Variants in CSMD1 observed in about 807,000 individuals in gnomAD.
CSMD1 encodes CUB and sushi domain-containing protein 1.
A neutral mutation model predicts 417.5 loss-of-function variants in CSMD1; 213 were observed. The ratio of observed to expected loss-of-function variants is 0.51; its 90% CI spans 0.46 to 0.57. The LOEUF is 0.57. Ranked by LOEUF, CSMD1 falls within the 20% of genes least tolerant of loss-of-function variation. The probability of loss-of-function intolerance (pLI) is 0.00; values close to 1 mark genes in which losing one functional copy is unlikely to be tolerated. For synonymous variants in CSMD1, 2,862 were observed against 1,736.8 expected (o/e 1.65, Z -16.11); for missense variants, 6,923 against 4,529.7 (o/e 1.53, Z -15.17).
At chr8:3,600,399 A>T (rs1244332777) in intron 8 of CSMD1, among the ~76,000 whole-genome samples, 3 of 152,232 alleles carry the variant, frequency 2.0e-5, no homozygotes, top group African/African-American at 7.2e-5. Flanking sequence ...TATTTCCCCT[A>T]GAATATGAAT....
intron 12 of CSMD1, among the ~76,000 whole-genome samples, chr8:3,432,311 AAAAGAAAAAAAATCATTT>A (rs1174245305): frequency 6.6e-6 from 1 of 152,262 alleles, no homozygotes; most frequent in East Asian, 1.9e-4. Context: ...ATAGACGGTT[AAAAGAAAAAAAATCATTT>A]AAAGTGTTTA....
At chr8:3,248,441 G>T (rs964380859) in intron 26 of CSMD1, among the ~76,000 whole-genome samples, 5 of 151,356 alleles carry the variant, frequency 3.3e-5, no homozygotes, top group Non-Finnish European at 5.9e-5. Flanking sequence ...GAAATGGCTG[G>T]AAGTGTGAGA....
intron 3 of CSMD1, among the ~76,000 whole-genome samples, chr8:4,379,848 T>G (rs62479547): frequency 0.37 from 55,638 of 152,142 alleles, 11,522 homozygotes; most frequent in Non-Finnish European, 0.47. Context: ...TGATCCCTGC[T>G]AGGAGACAGT....
intron 23 of CSMD1, among the ~76,000 whole-genome samples, chr8:3,312,509 C>T (rs1355447551): frequency 6.6e-6 from 1 of 152,144 alleles, no homozygotes; most frequent in Non-Finnish European, 1.5e-5. Context: ...ATCAGTTTTC[C>T]AATTTTCAGT....
intron 2 of CSMD1, among the ~76,000 whole-genome samples, chr8:4,621,618 A>G (rs1801784731): frequency 6.6e-6 from 1 of 152,132 alleles, no homozygotes; most frequent in Non-Finnish European, 1.5e-5. Flanking sequence ...TTATCTAGAA[A>G]TCACATCAAA....
intron 5 of CSMD1, among the ~76,000 whole-genome samples, chr8:3,786,473 G>A (rs1378051778): frequency 6.6e-6 from 1 of 152,276 alleles, no homozygotes. Flanking sequence ...GAAGCAGGAG[G>A]AATGGTGACA....
intron 33 of CSMD1, among the ~76,000 whole-genome samples, chr8:3,197,639 T>C (rs1207506518): frequency 6.6e-6 from 1 of 151,930 alleles, no homozygotes; most frequent in Non-Finnish European, 1.5e-5. Context: ...CTAATTTTTG[T>C]ATTTTTAGTA....
intron 1 of CSMD1, among the ~76,000 whole-genome samples, chr8:4,735,441 G>A (rs773072329): frequency 5.9e-5 from 9 of 152,234 alleles, no homozygotes; most frequent in Non-Finnish European, 1.0e-4. Context: ...TTATTACGTA[G>A]ATCTGCAAGT....
intron 2 of CSMD1, among the ~76,000 whole-genome samples, chr8:4,533,301 T>C (rs760410125): frequency 2.0e-5 from 3 of 152,216 alleles, no homozygotes; most frequent in Admixed American, 1.3e-4. Flanking sequence ...GGAAGCCAAG[T>C]TGTCATGACA....
chr8:4,959,394 CCA>C (rs1406895184), intron 1 of CSMD1, among the ~76,000 whole-genome samples: 1 of 152,204 alleles, frequency 6.6e-6, no homozygotes, highest in Non-Finnish European at 1.5e-5. Context: ...TCATTTTTGT[CCA>C]CACTCAGTTG....
At position 4,989,279 on chromosome 8, in the gene CSMD1, A is replaced by T. The variant is rs550347833; in HGVS notation, c.85+5053T>A. On this transcript the variant is annotated intron_variant, in intron 1 of 69. Transcript: ENST00000635120. Reference sequence around the variant, plus strand: ...ATCCATGCCAGGTCTACAGTAAAAAAAGAAAAAAAAAAATCTGCCCCTGGT... The same window carrying T: ...ATCCATGCCAGGTCTACAGTAAAAATAGAAAAAAAAAAATCTGCCCCTGGT... Among the ~76,000 whole-genome samples the T allele has an allele frequency of 7.9e-5, 12 of 152,216 alleles. No individual in the cohort carries two copies. The South Asian group carries it at 2.3e-3, about 29-fold the overall frequency.
chr8:3,415,770 G>T (rs10098061), intron 12 of CSMD1, among the ~76,000 whole-genome samples: 1 of 152,032 alleles, frequency 6.6e-6, no homozygotes, highest in Non-Finnish European at 1.5e-5. Context: ...CTTTATTTCA[G>T]ACTGAGATCT....
At chr8:4,339,209 C>A (rs952463270) in intron 3 of CSMD1, among the ~76,000 whole-genome samples, 12 of 152,090 alleles carry the variant, frequency 7.9e-5, no homozygotes, top group African/African-American at 2.4e-4. Flanking sequence ...TGCAAGTATA[C>A]CCCAGGCAAT....
At chr8:4,889,462 C>A (rs1021712077) in intron 1 of CSMD1, among the ~76,000 whole-genome samples, 1 of 151,954 alleles carries the variant, frequency 6.6e-6, no homozygotes, top group Non-Finnish European at 1.5e-5. Flanking sequence ...GTAGGTGAGG[C>A]CATTTTTTAT....
chr8:4,763,725 T>G (rs1288610085), intron 1 of CSMD1, among the ~76,000 whole-genome samples: 1 of 152,200 alleles, frequency 6.6e-6, no homozygotes, highest in South Asian at 2.1e-4. Flanking sequence ...AAATATGCAA[T>G]GTACTGGTTC....
chr8:3,577,081 G>C (rs1014048), intron 9 of CSMD1, among the ~76,000 whole-genome samples: 55,002 of 151,928 alleles, frequency 0.36, 10,370 homozygotes, highest in Non-Finnish European at 0.41. Flanking sequence ...CTACTGACAA[G>C]GTGGGCTCAG....
chr8:4,566,501 A>C (rs1223923896), intron 2 of CSMD1, among the ~76,000 whole-genome samples: 1 of 150,616 alleles, frequency 6.6e-6, no homozygotes. Flanking sequence ...AAAATACAAA[A>C]AATTAGCCGG....
rs555353937 is a variant in CSMD1, at chr8:4,473,677, G to A, written c.303-53612C>T. ...GAAAACAAAGAGCATATGACTCTAG[G>A]TAACTGTCAAAATTAAATGATGTAA... On this transcript the variant is annotated intron_variant, in intron 2 of 69. Transcript: ENST00000635120. Among the ~76,000 whole-genome samples, 13 of 152,242 alleles carry A rather than the reference G, an allele frequency of 8.5e-5. No individual in the cohort carries two copies. In the South Asian group the frequency reaches 2.3e-3, roughly 27 times the overall value.
At chr8:3,663,893 T>A (rs953369014) in intron 7 of CSMD1, among the ~76,000 whole-genome samples, 1 of 152,210 alleles carries the variant, frequency 6.6e-6, no homozygotes, top group Non-Finnish European at 1.5e-5. Context: ...CAACCTTGGA[T>A]AAATAAACTT....
Sources: gnomAD v4.1 joint callset for allele counts (sites outside exome capture counted in the v4.1 genomes callset) on GRCh38, gnomAD v4.1.1 for gene constraint, MANE v1.5 for transcripts, NCBI Gene and HGNC (gene_info 2026-07-23, HGNC 2026-07-21) for gene names.